CSMD1: variants seen among roughly 807,000 people sequenced by gnomAD.
CSMD1 encodes the protein CUB and Sushi multiple domains 1, also known as CUB and sushi domain-containing protein 1.
CSMD1 carries 213 observed loss-of-function variants against 417.5 expected under a neutral mutation model. The ratio of observed to expected loss-of-function variants is 0.51; its 90% confidence interval spans 0.46 to 0.57. The LOEUF (loss-of-function observed/expected upper bound fraction) is 0.57, where lower values mean the gene tolerates loss of function less well. CSMD1 is among the 20% of genes least tolerant of loss of function. The probability of loss-of-function intolerance (pLI) is 0.00; values close to 1 mark genes in which losing one functional copy is unlikely to be tolerated. For synonymous variants in CSMD1, 2,862 were observed against 1,736.8 expected, an observed-to-expected ratio of 1.65 and a Z score of -16.11; for missense variants, 6,923 against 4,529.7, an observed-to-expected ratio of 1.53 and a Z score of -15.17.
chr8:4,382,298 GA>G (rs1199278473), intron 3 of CSMD1, among the ~76,000 whole-genome samples: 2 of 152,080 alleles, frequency 1.3e-5, no homozygotes, highest in Non-Finnish European at 2.9e-5. Flanking sequence ...TCTTTATCCA[GA>G]AAAAAGAGAG....
At chr8:3,568,420 A>G (rs1046447573) in intron 10 of CSMD1, among the ~76,000 whole-genome samples, 27 of 152,188 alleles carry the variant, frequency 1.8e-4, no homozygotes, top group African/African-American at 6.3e-4. Flanking sequence ...GAAACAAAGA[A>G]AAAGAAAACT....
chr8:4,586,494 G>A (rs764147591), intron 2 of CSMD1, among the ~76,000 whole-genome samples: 1 of 152,150 alleles, frequency 6.6e-6, no homozygotes, highest in East Asian at 1.9e-4. Flanking sequence ...ATCACACCTA[G>A]TTCCTTCTGG....
At chr8:4,166,577 T>G (rs1563212484) in intron 3 of CSMD1, among the ~76,000 whole-genome samples, 1 of 152,066 alleles carries the variant, frequency 6.6e-6, no homozygotes, top group Non-Finnish European at 1.5e-5. Context: ...GGCATGAGAA[T>G]GATATAATGG....
chr8:4,920,223 C>T (rs1349676265), intron 1 of CSMD1, among the ~76,000 whole-genome samples: 1 of 151,990 alleles, frequency 6.6e-6, no homozygotes, highest in Non-Finnish European at 1.5e-5. Context: ...GGATCTTCAC[C>T]CCCAAATCTA....
chr8:3,759,801 G>A (rs529652700), intron 5 of CSMD1, among the ~76,000 whole-genome samples: 8 of 151,012 alleles, frequency 5.3e-5, no homozygotes, highest in South Asian at 2.1e-4. Flanking sequence ...GCAGCTACTC[G>A]GGAAGATGAG....
At chr8:3,870,639 G>A (rs1451904905) in intron 5 of CSMD1, among the ~76,000 whole-genome samples, 1 of 152,058 alleles carries the variant, frequency 6.6e-6, no homozygotes, top group Non-Finnish European at 1.5e-5. Context: ...GGTGAAATGG[G>A]ATCTACTTAT....
At chr8:3,378,577 T>G (rs1810452245) in intron 18 of CSMD1, among the ~76,000 whole-genome samples, 1 of 152,212 alleles carries the variant, frequency 6.6e-6, no homozygotes, top group Non-Finnish European at 1.5e-5. Flanking sequence ...ATCCCTGGGA[T>G]GCAAGGCTAG....
intron 8 of CSMD1, among the ~76,000 whole-genome samples, chr8:3,604,328 T>G (rs1468460670): frequency 6.6e-6 from 1 of 152,134 alleles, no homozygotes; most frequent in African/African-American, 2.4e-5. Flanking sequence ...CATTTCAGAT[T>G]GTGTGGCCAG....
At chr8:3,275,845 AG>A (rs1802247232) in intron 26 of CSMD1, among the ~76,000 whole-genome samples, 1 of 151,494 alleles carries the variant, frequency 6.6e-6, no homozygotes, top group African/African-American at 2.4e-5. Flanking sequence ...CTTTTTTCAT[AG>A]TTTTCAACTT....
intron 2 of CSMD1, among the ~76,000 whole-genome samples, chr8:4,531,611 G>A (rs893338218): frequency 3.9e-5 from 6 of 152,040 alleles, no homozygotes; most frequent in Non-Finnish European, 7.4e-5. Context: ...AGCTTTCTGC[G>A]CTCGTCAGGC....
At chr8:3,577,809 G>T (rs112221005) in intron 9 of CSMD1, among the ~76,000 whole-genome samples, 1 of 152,212 alleles carries the variant, frequency 6.6e-6, no homozygotes, top group Admixed American at 6.5e-5. Context: ...TATTTGGCTC[G>T]TTATGATTTA....
intron 7 of CSMD1, among the ~76,000 whole-genome samples, chr8:3,642,453 C>G (rs921332505): frequency 5.9e-5 from 9 of 152,086 alleles, no homozygotes; most frequent in Admixed American, 2.6e-4. Flanking sequence ...CTCTAAAATT[C>G]AAGAGATATT....
chr8:3,633,224 G>A (rs1224340004), intron 7 of CSMD1, among the ~76,000 whole-genome samples: 6 of 152,120 alleles, frequency 3.9e-5, no homozygotes, highest in East Asian at 3.9e-4. Context: ...AACTTAAAAT[G>A]TCTACATTGG....
At chr8:4,260,361 T>A (rs1331075473) in intron 3 of CSMD1, among the ~76,000 whole-genome samples, 3 of 152,212 alleles carry the variant, frequency 2.0e-5, no homozygotes, top group Non-Finnish European at 4.4e-5. Context: ...TGCTATTGAT[T>A]TGTAGGAGTT....
chr8:3,691,436 A>T (rs1800239615), intron 7 of CSMD1, among the ~76,000 whole-genome samples: 1 of 152,172 alleles, frequency 6.6e-6, no homozygotes, highest in Non-Finnish European at 1.5e-5. Flanking sequence ...CAATGAAGAG[A>T]AGATTGGCGC....
rs772672273 is a variant in CSMD1 at position 3,367,175 on chromosome 8, C to G, written c.2972G>C (p.Ser991Thr). 9 of 1,613,650 alleles carry G rather than the reference C, an allele frequency of 5.6e-6. No individual in the cohort carries two copies. The South Asian group carries it at 9.9e-5, about 18-fold the overall frequency. The stretch of plus-strand genomic sequence containing the variant: ...GAGCCTGGCAACGGGCTCGGAAAAA[C>G]TTCCATCCTCTGTGATCAGTAAATA... ...HDYLLITEDG[S>T]FSEPVARLTG... is the part of the protein sequence containing the mutation. Residue 991 changes from serine to threonine, a missense_variant, in exon 20 of 70, where the codon AGT (serine) becomes ACT (threonine). Coordinates refer to ENST00000635120, the MANE Select transcript of CSMD1 (RefSeq NM_033225.6).
At chr8:3,039,611 C>T (rs142696376) in intron 50 of CSMD1, among the ~76,000 whole-genome samples, 5 of 152,008 alleles carry the variant, frequency 3.3e-5, no homozygotes, top group Non-Finnish European at 5.9e-5. Flanking sequence ...TTGTACTAAC[C>T]TGAGGAGGCA....
intron 5 of CSMD1, among the ~76,000 whole-genome samples, chr8:3,823,689 T>C (rs1191677445): frequency 6.6e-6 from 1 of 152,188 alleles, no homozygotes; most frequent in Non-Finnish European, 1.5e-5. Flanking sequence ...AATGGATATA[T>C]GTTTGAACCA....
At chr8:4,576,148 G>A (rs190655526) in intron 2 of CSMD1, among the ~76,000 whole-genome samples, 109 of 152,332 alleles carry the variant, frequency 7.2e-4, no homozygotes, top group African/African-American at 2.4e-3. Flanking sequence ...ATTGCAGAAA[G>A]TATGCAGGAC....
Sources: gnomAD v4.1 joint callset for allele counts (sites outside exome capture counted in the v4.1 genomes callset) on GRCh38, gnomAD v4.1.1 for gene constraint, MANE v1.5 for transcripts, NCBI Gene and HGNC (gene_info 2026-07-23, HGNC 2026-07-21) for gene names.